RNF213: variants seen among roughly 807,000 people sequenced by gnomAD.
RNF213 encodes the protein E3 ubiquitin-protein ligase RNF213.
Under a neutral mutation model 514.4 loss-of-function variants are expected in RNF213, and 341 were observed. The observed-to-expected ratio is 0.66, with a 90% CI of 0.61 to 0.73. The LOEUF (loss-of-function observed/expected upper bound fraction) is 0.73. RNF213 is among the 30% of genes least tolerant of loss of function. The pLI is 0.00. For missense variants in RNF213, 5,767 were observed against 6,615.6 expected, an observed-to-expected ratio of 0.87 and a Z score of 4.45; for synonymous variants, 2,655 against 2,658.2, an observed-to-expected ratio of 1.00 and a Z score of 0.04.
chr17:80,307,362 G>GCTTTTTTT (rs550244427), intron 13 of RNF213, among the ~76,000 whole-genome samples, 161 bp downstream of exon 13: 2 of 113,720 alleles, frequency 1.8e-5, no homozygotes, highest in Non-Finnish European at 3.5e-5. Context: ...ATTGTCGTCT[G>GCTTTTTTT]TTTTTTTTTT....
At position 80,372,529 on chromosome 17, in the gene RNF213, A is replaced by G. The variant is rs1364640913; in HGVS notation, c.12546A>G (p.Ile4182Met). The G allele has an allele frequency of 6.2e-7, 1 of 1,612,588 alleles. No individual in the cohort carries two copies. The highest frequency in any genetic ancestry group is 1.7e-5 in the Admixed American group (1 of 59,950). The stretch of plus-strand genomic sequence containing the variant: ...TGTTCCTTGTTCCTCAGGATTCAAT[A>G]CTTGAGAAGACCAGTGCTTACTCCA... The part of the protein sequence containing the change: ...MLFINCLEDS[I>M]LEKTSAYSRN... Residue 4182 changes from isoleucine (I) to methionine (M), a missense_variant, in exon 48 of 68, where the codon ATA becomes ATG. This residue lies in a region of RNF213 where 1,245 missense variants were observed against 1,339.0 expected (regional missense o/e 0.93). Coordinates refer to ENST00000582970, the MANE Select transcript of RNF213 (RefSeq NM_001256071.3).
rs542458269 is a variant in RNF213, at chr17:80,374,693, C to T, written c.13074+104C>T. The T allele has an allele frequency of 5.2e-5, 71 of 1,375,098 alleles. No individual in the cohort carries two copies. The African/African-American group carries it at 6.3e-4, about 12-fold the overall frequency. The allele number at this position is 1,375,098 out of a possible 1,614,324, so 85.2% of individuals were successfully genotyped here. A position where few individuals can be genotyped will look rare whatever the true frequency, so the allele number is the denominator to read the frequency against. On this transcript the variant is annotated intron_variant, in intron 50 of 67. Transcript: ENST00000582970. Reference sequence around the variant, plus strand: ...GATGCAGGGTGATGGACCACTGATGCAGCCCATCACGTGACACTGTATTGG... The same window carrying T: ...GATGCAGGGTGATGGACCACTGATGTAGCCCATCACGTGACACTGTATTGG...
At chr17:80,331,078 C>G (rs2046401002) in intron 20 of RNF213, among the ~76,000 whole-genome samples, 1 of 152,172 alleles carries the variant, frequency 6.6e-6, no homozygotes, top group African/African-American at 2.4e-5. Flanking sequence ...CTCAGCCTCC[C>G]AAAGTGCTGG....
At chr17:80,332,958 G>A (rs1599041302) in intron 21 of RNF213, among the ~76,000 whole-genome samples, 1 of 152,066 alleles carries the variant, frequency 6.6e-6, no homozygotes, top group Admixed American at 6.5e-5. Flanking sequence ...AAGCCAAAAA[G>A]CAAAACACTT....
intron 17 of RNF213, chr17:80,319,631 C>T (rs780637983): frequency 1.7e-5 from 26 of 1,519,182 alleles, no homozygotes; most frequent in Non-Finnish European, 2.2e-5. Context: ...ACTGTGGCTG[C>T]TGGTTTGATT....
Position 80,340,301 on chromosome 17 carries a change from C to T in RNF213, c.5934C>T (p.Ala1978=), listed in dbSNP as rs759692190. Reference sequence around the variant, plus strand: ...CGAAGCAGACCCTGTCGGCGGCAGCCGTGTTCAATGACCGGCTGTGTGTTG... The same window carrying T: ...CGAAGCAGACCCTGTCGGCGGCAGCTGTGTTCAATGACCGGCTGTGTGTTG... The part of the protein sequence containing the change: ...RVPKQTLSAA[A]VFNDRLCVGI... Residue 1978 remains alanine, a synonymous_variant, in exon 26 of 68, where the codon GCC becomes GCT. Transcript: ENST00000582970. 6.2e-6 allele frequency: 10 copies of T among 1,613,688 alleles called. No individual in the cohort carries two copies. Among genetic ancestry groups the T allele is most frequent in the Admixed American group, 5.0e-5 (3 of 59,992 alleles).
chr17:80,299,908 G>A (rs1177500300), intron 11 of RNF213, among the ~76,000 whole-genome samples: 1 of 152,140 alleles, frequency 6.6e-6, no homozygotes, highest in Admixed American at 6.5e-5. Flanking sequence ...CTTTTTTATG[G>A]CTGCATAGTA....
In RNF213 at chr17:80,371,783, G is replaced by C. The variant is rs531894698; in HGVS notation, c.12426-91G>C. The C allele has an allele frequency of 5.6e-4, 401 of 716,398 alleles. 2 individuals are homozygous for C. The highest frequency in any genetic ancestry group is 1.3e-3 in the Admixed American group (62 of 48,132). 44.4% of individuals were successfully genotyped at this position (716,398 alleles called of 1,614,324 possible). On this transcript the variant is annotated intron_variant, in intron 46 of 67. Coordinates refer to ENST00000582970, the MANE Select transcript of RNF213 (RefSeq NM_001256071.3). The stretch of plus-strand genomic sequence containing the variant: ...ATATGTTTATACACACACACACACA[G>C]GACAGACGACCGATAGATAGATGCT...
At chr17:80,352,036 G>C (rs1258347495) in intron 32 of RNF213, 1 of 373,300 alleles carries the variant, frequency 2.7e-6, no homozygotes, top group Non-Finnish European at 5.0e-6. Context: ...TGTATGTTTA[G>C]TAGTGACGGG....
At position 80,353,793 on chromosome 17, in the gene RNF213, A is replaced by G. The variant is rs553047550; in HGVS notation, c.10578+127A>G. On this transcript the variant is annotated intron_variant, in intron 34 of 67. Transcript: ENST00000582970. The surrounding 1 kb of genome is among the most constrained non-coding windows in gnomAD (Gnocchi z 5.0). ...TGTGCAGGGGTGAGGATGGCGCCCC[A>G]CTTTCCTCACACAGTGACGGTCTTG... The G allele has an allele frequency of 2.3e-4, 307 of 1,330,578 alleles. 2 individuals are homozygous for G. In the South Asian group the frequency reaches 3.5e-3, roughly 15 times the overall value. The allele number at this position is 1,330,578 out of a possible 1,614,324, so 82.4% of individuals were successfully genotyped here. A position where few individuals can be genotyped will look rare whatever the true frequency, so the allele number is the denominator to read the frequency against.
chr17:80,300,413 T>C (rs2045134142), intron 11 of RNF213, among the ~76,000 whole-genome samples: 1 of 151,998 alleles, frequency 6.6e-6, no homozygotes, highest in South Asian at 2.1e-4. Flanking sequence ...GTGGCTAATT[T>C]TTGTCTTTTT....
chr17:80,383,663 T>C lies in RNF213; in HGVS notation c.14071-14T>C, dbSNP rs183828406. On this transcript the variant is annotated splice_polypyrimidine_tract_variant and intron_variant, in intron 58 of 67. Transcript: ENST00000582970. ...CTCACTTCCAGAATTTTTTTTTTCA[T>C]TTTCTCCATCCAGCATCTAGATAAA... 70 of 1,613,818 alleles carry C rather than the reference T, an allele frequency of 4.3e-5. No homozygotes were observed. The African/African-American group carries it at 9.3e-4, about 22-fold the overall frequency.
chr17:80,261,664 G>A (rs2043427240), intron 1 of RNF213, among the ~76,000 whole-genome samples: 3 of 152,266 alleles, frequency 2.0e-5, no homozygotes, highest in African/African-American at 7.2e-5. Context: ...GAATGCAACA[G>A]TGTTGGGTGC....
chr17:80,281,613 A>ACACATACCCCAACACACACACATATC (rs2044300031), intron 3 of RNF213, among the ~76,000 whole-genome samples: 1 of 57,562 alleles, frequency 1.7e-5, no homozygotes, highest in African/African-American at 5.7e-5. Context: ...GCCAACTCAC[A>ACACATACCCCAACACACACACATATC]CCACTCACAC....
rs2080255528 is a variant in RNF213 at position 80,386,834 on chromosome 17, G to A, written c.14865G>A (p.Lys4955=). The A allele has an allele frequency of 2.5e-6, 4 of 1,614,082 alleles. No individual in the cohort carries two copies. Among genetic ancestry groups the A allele is most frequent in the East Asian group, 4.5e-5 (2 of 44,896 alleles). Residue 4955 remains lysine, a synonymous_variant, in exon 63 of 68, where the codon AAG becomes AAA. Coordinates refer to ENST00000582970, the MANE Select transcript of RNF213 (RefSeq NM_001256071.3). ...CCGTGCAGGAGTTCGATCTGGAGAA[G>A]ATTCAGCGGCAGATCGTCAGCCGCT... ...RETVQEFDLE[K]IQRQIVSRFL...
chr17:80,353,450 C>T lies in RNF213; in HGVS notation c.10424-62C>T. 6.5e-7 allele frequency: 1 copy of T among 1,547,436 alleles called. No homozygotes were observed. The highest frequency in any genetic ancestry group is 8.8e-7 in the Non-Finnish European group (1 of 1,141,242). ...TGAGCACACAGACTCCCAGATGGCA[C>T]CGCTGCCAGTCCCTGTGCCACCTTC... On this transcript the variant is annotated intron_variant, in intron 33 of 67. Transcript: ENST00000582970. This position sits in a 1 kb window ranked among gnomAD's most constrained non-coding sequence, Gnocchi z 5.0.
chr17:80,317,306 A>G lies in RNF213; in HGVS notation c.2901+29A>G, dbSNP rs890938814. 16 of 1,597,606 alleles carry G rather than the reference A, an allele frequency of 1.0e-5. No homozygotes were observed. The highest frequency in any genetic ancestry group is 1.4e-5 in the Non-Finnish European group (16 of 1,170,268). On this transcript the variant is annotated intron_variant, in intron 16 of 67. Coordinates refer to ENST00000582970, the MANE Select transcript of RNF213 (RefSeq NM_001256071.3). This position sits in a 1 kb window ranked among gnomAD's most constrained non-coding sequence, Gnocchi z 4.1. ...CCAAAAGTTTGGGGGCAGTCTTTTC[A>G]GGGCGTGAAGGCAAGCTGGAGAACC...
At position 80,318,435 on chromosome 17, in the gene RNF213, G is replaced by A. The variant is rs548071146; in HGVS notation, c.2902-755G>A. ...ACAGGAGGGGCCAGGCCTGCCCATA[G>A]GCAGGAAGTCTAAGTGGCCTGTTGG... On this transcript the variant is annotated intron_variant, in intron 16 of 67. Transcript: ENST00000582970. Among the ~76,000 whole-genome samples the A allele has an allele frequency of 7.0e-4, 106 of 152,278 alleles. 1 individual carries two copies. The highest frequency in any genetic ancestry group is 2.1e-3 in the African/African-American group (87 of 41,552).
At chr17:80,319,424 G>T (rs770042311) in intron 17 of RNF213, 112 bp downstream of exon 17, 2 of 1,614,228 alleles carry the variant, frequency 1.2e-6, no homozygotes, top group East Asian at 4.5e-5. Context: ...CGCTAACTCA[G>T]AGATTGGGAA....
Sources: gnomAD v4.1 joint callset for allele counts (sites outside exome capture counted in the v4.1 genomes callset) on GRCh38, gnomAD v4.1.1 for gene constraint, gnomAD v4.1.1 regional missense constraint, Gnocchi (gnomAD v3.1) non-coding constraint, MANE v1.5 for transcripts, NCBI Gene and HGNC (gene_info 2026-07-23, HGNC 2026-07-21) for gene names.